The following ELP4 variants were observed in gnomAD, a reference collection of about 807,000 sequenced individuals.
ELP4 encodes the protein elongator complex protein 4.
Under a neutral mutation model 48.9 loss-of-function variants are expected in ELP4, and 51 were observed. The observed-to-expected ratio is 1.04, with a 90% confidence interval of 0.83 to 1.32. ELP4 has a LOEUF of 1.32. Among genes scored for constraint, ELP4 ranks in the 40% most tolerant of loss-of-function variants. ELP4 has a pLI of 0.00. For synonymous variants in ELP4, 210 were observed against 189.2 expected (o/e 1.11, Z -0.90); for missense variants, 519 against 514.6 (o/e 1.01, Z -0.08).
chr11:31,566,281 C>T (rs1299451362), intron 3 of ELP4, among the ~76,000 whole-genome samples: 1 of 151,908 alleles, frequency 6.6e-6, no homozygotes, highest in Admixed American at 6.6e-5. Flanking sequence ...TTGCTTGAAC[C>T]CGGGAGGCAG....
At chr11:31,657,222 A>G (rs1945457008) in intron 9 of ELP4, among the ~76,000 whole-genome samples, 1 of 151,996 alleles carries the variant, frequency 6.6e-6, no homozygotes, top group Non-Finnish European at 1.5e-5. Context: ...TTGCACAGCA[A>G]ATGTTCAGAA....
chr11:31,720,204 AC>A (rs1205972943), intron 9 of ELP4, among the ~76,000 whole-genome samples: 1 of 152,196 alleles, frequency 6.6e-6, no homozygotes, highest in Non-Finnish European at 1.5e-5. Flanking sequence ...CACTGGCAAA[AC>A]AAAAACTCGG....
At chr11:31,665,945 G>T in intron 9 of ELP4, among the ~76,000 whole-genome samples, 1 of 150,442 alleles carries the variant, frequency 6.6e-6, no homozygotes, top group Admixed American at 6.7e-5. Flanking sequence ...ATGAGCCAAG[G>T]TGCCCAGCCT....
intron 3 of ELP4, among the ~76,000 whole-genome samples, chr11:31,578,806 T>G (rs1434838282): frequency 6.6e-6 from 1 of 152,202 alleles, no homozygotes; most frequent in Non-Finnish European, 1.5e-5. Context: ...GATTAAAGAC[T>G]TAAATGTTAG....
At chr11:31,744,892 C>A (rs1037259196) in intron 9 of ELP4, among the ~76,000 whole-genome samples, 9 of 152,086 alleles carry the variant, frequency 5.9e-5, no homozygotes, top group African/African-American at 2.2e-4. Flanking sequence ...CTGGCCAGGG[C>A]ACTCAGGCAG....
intron 9 of ELP4, among the ~76,000 whole-genome samples, chr11:31,693,333 G>T (rs867002868): frequency 6.6e-6 from 1 of 151,418 alleles, no homozygotes; most frequent in Admixed American, 6.6e-5. Context: ...TGACAGCCCT[G>T]GGTGTGTAAT....
At chr11:31,725,043 G>A (rs1429140492) in intron 9 of ELP4, among the ~76,000 whole-genome samples, 3 of 152,162 alleles carry the variant, frequency 2.0e-5, no homozygotes, top group Non-Finnish European at 4.4e-5. Context: ...AATTCGTTGG[G>A]CCAGGGGAAA....
intron 3 of ELP4, among the ~76,000 whole-genome samples, chr11:31,576,159 G>C (rs1239981268): frequency 6.6e-6 from 1 of 152,196 alleles, no homozygotes; most frequent in Non-Finnish European, 1.5e-5. Context: ...TGATAAAACA[G>C]ACTTTAAATC....
At chr11:31,626,987 G>A in intron 5 of ELP4, 123 bp from the exon 6 acceptor site, 1 of 567,508 alleles carries the variant, frequency 1.8e-6, no homozygotes, top group Non-Finnish European at 3.2e-6. Context: ...ATACTGTTTT[G>A]ACATTCTTAA....
chr11:31,561,242 A>G (rs1047112942), intron 3 of ELP4, among the ~76,000 whole-genome samples: 6 of 152,208 alleles, frequency 3.9e-5, no homozygotes, highest in African/African-American at 9.6e-5. Context: ...TGAGTATACA[A>G]TATACCCAGA....
chr11:31,609,177 C>G (rs1376779820), intron 5 of ELP4, among the ~76,000 whole-genome samples: 2 of 152,180 alleles, frequency 1.3e-5, no homozygotes, highest in Non-Finnish European at 2.9e-5. Context: ...AAACAGGCCA[C>G]AGAAGGGAGG....
At chr11:31,583,828 G>C (rs1318838160) in intron 3 of ELP4, among the ~76,000 whole-genome samples, 2 of 152,190 alleles carry the variant, frequency 1.3e-5, no homozygotes, top group Non-Finnish European at 2.9e-5. Flanking sequence ...TGTTGGAAAT[G>C]TTCTATTCCA....
chr11:31,553,481 G>A (rs1956882918), intron 3 of ELP4, among the ~76,000 whole-genome samples: 1 of 151,968 alleles, frequency 6.6e-6, no homozygotes, highest in Non-Finnish European at 1.5e-5. Flanking sequence ...CTTGGTAATT[G>A]GCTTTTTCCT....
chr11:31,517,114 A>G (rs1244829261), intron 1 of ELP4, among the ~76,000 whole-genome samples: 2 of 152,148 alleles, frequency 1.3e-5, no homozygotes, highest in African/African-American at 4.8e-5. Context: ...CATGTATGTT[A>G]CCAGATTTCA....
chr11:31,588,872 G>C lies in ELP4; in HGVS notation c.382-5898G>C, dbSNP rs544308809. ...GTGGCGCACACCAGTCATCCCAGCT[G>C]TTCAGGAGGCTGAGGCATGAGAATG... On this transcript the variant is annotated intron_variant, in intron 3 of 9. Coordinates refer to ENST00000640961, the MANE Select transcript of ELP4 (RefSeq NM_019040.5). 5.9e-5 allele frequency among the ~76,000 whole-genome samples: 9 copies of C among 152,218 alleles called. No individual in the cohort carries two copies. The East Asian group carries it at 9.7e-4, about 16-fold the overall frequency.
chr11:31,722,474 C>G (rs1347257546), intron 9 of ELP4, among the ~76,000 whole-genome samples: 1 of 152,092 alleles, frequency 6.6e-6, no homozygotes, highest in Non-Finnish European at 1.5e-5. Flanking sequence ...TCTGTGACTT[C>G]TCAGTGAAAA....
At chr11:31,686,348 T>C (rs1248121671) in intron 9 of ELP4, among the ~76,000 whole-genome samples, 1 of 147,096 alleles carries the variant, frequency 6.8e-6, no homozygotes, top group Non-Finnish European at 1.5e-5. Flanking sequence ...TTTTTTTTGG[T>C]ATGGAATAGC....
intron 3 of ELP4, among the ~76,000 whole-genome samples, chr11:31,591,497 A>G (rs1461354532): frequency 6.6e-6 from 1 of 151,588 alleles, no homozygotes. Context: ...CAGCACATGA[A>G]GTTATGCTCA....
chr11:31,528,091 C>A (rs1017625394), intron 2 of ELP4, among the ~76,000 whole-genome samples: 1 of 152,028 alleles, frequency 6.6e-6, no homozygotes, highest in Non-Finnish European at 1.5e-5. Flanking sequence ...TTCCCTTTAC[C>A]TACACTCAGT....
Sources: allele counts gnomAD v4.1 joint callset (sites outside exome capture counted in the v4.1 genomes callset), GRCh38; gene constraint gnomAD v4.1.1; transcripts MANE v1.5; gene names NCBI Gene and HGNC (gene_info 2026-07-23, HGNC 2026-07-21).